The following HEATR4 variants were observed in gnomAD, a reference collection of about 807,000 sequenced individuals.
HEATR4 encodes HEAT repeat-containing protein 4.
A neutral mutation model predicts 108.8 loss-of-function variants in HEATR4; 95 were observed. The observed-to-expected ratio is 0.87, with a 90% confidence interval of 0.74 to 1.04. The LOEUF (loss-of-function observed/expected upper bound fraction) is 1.04. Ranked by LOEUF, HEATR4 falls within the 50% of genes least tolerant of loss-of-function variation. The pLI is 0.00. For missense variants in HEATR4, 1,152 were observed against 1,253.8 expected (o/e 0.92, Z 1.23); for synonymous variants, 443 against 459.4 (o/e 0.96, Z 0.46).
At chr14:73,499,704 TCAAA>T (rs1886322651) in intron 12 of HEATR4, among the ~76,000 whole-genome samples, 1 of 152,156 alleles carries the variant, frequency 6.6e-6, no homozygotes, top group Non-Finnish European at 1.5e-5. Flanking sequence ...CTTGAACACT[TCAAA>T]CAGATTTTTC....
chr14:73,491,826 G>A (rs760182905), intron 17 of HEATR4: 3 of 1,606,476 alleles, frequency 1.9e-6, no homozygotes, highest in South Asian at 2.2e-5. Context: ...TACATCAACG[G>A]ACGACGCGAG....
At chr14:73,487,757 G>A (rs1024992673) in intron 17 of HEATR4, among the ~76,000 whole-genome samples, 2 of 152,180 alleles carry the variant, frequency 1.3e-5, no homozygotes, top group Non-Finnish European at 2.9e-5. Flanking sequence ...ATGTGAAAGA[G>A]TCAAAATTCT....
intron 17 of HEATR4, among the ~76,000 whole-genome samples, chr14:73,482,755 C>G (rs1049632273): frequency 6.6e-6 from 1 of 152,094 alleles, no homozygotes; most frequent in African/African-American, 2.4e-5. Flanking sequence ...CTTCCAAATT[C>G]AAGCTTCTTT....
the HEATR4 span, among the ~76,000 whole-genome samples, chr14:73,622,967 T>TG: frequency 6.6e-6 from 1 of 151,990 alleles, no homozygotes; most frequent in Non-Finnish European, 1.5e-5. Flanking sequence ...TGGAGTGCAA[T>TG]GGTGCAACTT....
chr14:73,537,216 A>T (rs1466407144), intron 1 of HEATR4: 2 of 450,036 alleles, frequency 4.4e-6, no homozygotes, highest in African/African-American at 4.5e-5. Context: ...AGGTTTCAAC[A>T]CAGGAGACTT....
chr14:73,514,366 C>T (rs1279206515), intron 5 of HEATR4, 132 bp from the exon 6 acceptor site: 1 of 738,094 alleles, frequency 1.4e-6, no homozygotes, highest in Non-Finnish European at 2.2e-6. Flanking sequence ...GAGTGAATTT[C>T]CCCATGATTA....
chr14:73,492,552 C>G lies in HEATR4; in HGVS notation c.2844+514G>C. 1 of 1,613,854 alleles carries G rather than the reference C, an allele frequency of 6.2e-7. No homozygotes were observed. ...GACTTCATTCACGATTCTCTGCCCC[C>G]TGTTTTGACTGATAGGGAGAGGGCA... On this transcript the variant is annotated intron_variant, in intron 17 of 17. Transcript: ENST00000553558. The surrounding 1 kb of genome is among the most constrained non-coding windows in gnomAD (Gnocchi z 4.9).
At chr14:73,508,859 T>C (rs1044116619) in intron 8 of HEATR4, among the ~76,000 whole-genome samples, 6 of 152,102 alleles carry the variant, frequency 3.9e-5, no homozygotes. Flanking sequence ...TTTTCCTTTT[T>C]TTTAGAGACA....
chr14:73,612,968 G>C, the HEATR4 span: 1 of 1,197,798 alleles, frequency 8.3e-7, no homozygotes, highest in South Asian at 1.7e-5. Flanking sequence ...TCTCCGGCCG[G>C]GGGTGCGGCG....
At chr14:73,498,111 T>A (rs748015181) in intron 14 of HEATR4, 44 bp downstream of exon 14, 1 of 1,533,100 alleles carries the variant, frequency 6.5e-7, no homozygotes, top group Admixed American at 1.8e-5. Context: ...ATGTGAGAGT[T>A]GGCAGTATAA....
the HEATR4 span, chr14:73,569,638 G>C: frequency 1.6e-4 from 259 of 1,602,856 alleles, 2 homozygotes; most frequent in Non-Finnish European, 2.0e-4. Context: ...CTGGGCGGCA[G>C]CTTCGCGGGG....
intron 1 of HEATR4, among the ~76,000 whole-genome samples, chr14:73,534,672 CAGTG>C (rs1421281027): frequency 8.8e-6 from 1 of 114,074 alleles, no homozygotes; most frequent in African/African-American, 2.9e-5. Flanking sequence ...CTGGGTAACA[CAGTG>C]AGACACCCCG....
At chr14:73,619,901 T>C in the HEATR4 span, 2 of 1,478,994 alleles carry the variant, frequency 1.4e-6, no homozygotes, top group Non-Finnish European at 8.9e-7. Context: ...TGTGTTGGGT[T>C]TTCTTTCTTT....
the HEATR4 span, chr14:73,592,377 C>A: frequency 2.6e-6 from 4 of 1,564,798 alleles, no homozygotes; most frequent in South Asian, 4.7e-5. Flanking sequence ...CCAGTCGGTG[C>A]GAGCGGGCCG....
intron 1 of HEATR4, among the ~76,000 whole-genome samples, chr14:73,546,989 A>G: frequency 9.4e-6 from 1 of 106,318 alleles, no homozygotes; most frequent in African/African-American, 2.9e-5. Context: ...TGGGAGGCTG[A>G]GACAGGAGAA....
chr14:73,589,788 C>G, the HEATR4 span, among the ~76,000 whole-genome samples: 1 of 152,138 alleles, frequency 6.6e-6, no homozygotes. Flanking sequence ...TTAAAGGCAG[C>G]GTGTCTGGAG....
Position 73,478,635 on chromosome 14 carries a change from G to C in HEATR4, c.3052C>G (p.Pro1018Ala). The change falls in exon 18 of 18, where the codon CCC becomes GCC. Residue 1018 changes from proline (P) to alanine (A), a missense_variant. Transcript: ENST00000553558. Reference sequence around the variant, plus strand: ...AGATGAGCACCTTTCTTTCCAGAGGGAGAAGACATGATGGGAGAAAAAAAT... The same window carrying C: ...AGATGAGCACCTTTCTTTCCAGAGGCAGAAGACATGATGGGAGAAAAAAAT... ...RTFFSPIMSSPSGKKGAHL is the reference protein window; with the variant it reads ...RTFFSPIMSSASGKKGAHL 1.9e-6 allele frequency: 3 copies of C among 1,613,606 alleles called. No individual in the cohort carries two copies. The highest frequency in any genetic ancestry group is 1.1e-5 in the South Asian group (1 of 91,070).
chr14:73,629,869 G>T, the HEATR4 span, among the ~76,000 whole-genome samples: 2 of 151,608 alleles, frequency 1.3e-5, no homozygotes, highest in African/African-American at 4.8e-5. Flanking sequence ...GGATGGTTTG[G>T]ATCTCCTGAC....
chr14:73,570,193 A>T, the HEATR4 span, among the ~76,000 whole-genome samples: 3 of 151,664 alleles, frequency 2.0e-5, no homozygotes, highest in Non-Finnish European at 2.9e-5. Context: ...GTAAAGAAAC[A>T]GGAATGGAAT....
Sources: gnomAD v4.1 joint callset for allele counts (sites outside exome capture counted in the v4.1 genomes callset) on GRCh38, gnomAD v4.1.1 for gene constraint, Gnocchi (gnomAD v3.1) non-coding constraint, MANE v1.5 for transcripts, NCBI Gene and HGNC (gene_info 2026-07-23, HGNC 2026-07-21) for gene names.